MIPOL1: variants seen among roughly 807,000 people sequenced by gnomAD.
The protein encoded by MIPOL1 is mirror-image polydactyly gene 1 protein.
Under a neutral mutation model 60.9 loss-of-function variants are expected in MIPOL1, and 57 were observed. That is an observed-to-expected ratio of 0.94 (90% CI 0.76 to 1.17). The LOEUF is 1.17. Ranked by LOEUF, MIPOL1 falls within the 50% of genes most tolerant of loss-of-function variation. The pLI is 0.00. For synonymous variants in MIPOL1, 179 were observed against 168.8 expected, an observed-to-expected ratio of 1.06 and a Z score of -0.47; for missense variants, 551 against 511.6, an observed-to-expected ratio of 1.08 and a Z score of -0.74.
chr14:37,424,559 T>C (rs2093929562), intron 11 of MIPOL1, among the ~76,000 whole-genome samples: 1 of 152,332 alleles, frequency 6.6e-6, no homozygotes, highest in East Asian at 1.9e-4. Flanking sequence ...TCCAGAACTA[T>C]GTGATATTAA....
At chr14:37,219,027 A>G (rs536389926) in intron 1 of MIPOL1, among the ~76,000 whole-genome samples, 31 of 152,304 alleles carry the variant, frequency 2.0e-4, no homozygotes, top group African/African-American at 7.2e-4. Flanking sequence ...AATAGGGGAA[A>G]AGAAACCTCA....
At chr14:37,283,821 G>C (rs2084322175) in intron 6 of MIPOL1, among the ~76,000 whole-genome samples, 1 of 152,074 alleles carries the variant, frequency 6.6e-6, no homozygotes, top group Non-Finnish European at 1.5e-5. Context: ...ACACAAACAA[G>C]CTTGCTAACC....
At chr14:37,432,680 T>G (rs2094093986) in intron 11 of MIPOL1, among the ~76,000 whole-genome samples, 1 of 152,142 alleles carries the variant, frequency 6.6e-6, no homozygotes, top group Non-Finnish European at 1.5e-5. Flanking sequence ...ATTTTACCTT[T>G]CTTAAAATTT....
chr14:37,284,310 C>T (rs372567425), intron 6 of MIPOL1, among the ~76,000 whole-genome samples: 46 of 152,030 alleles, frequency 3.0e-4, no homozygotes, highest in African/African-American at 1.1e-3. Context: ...TGTGTTTATA[C>T]TTTCCATGAT....
intron 12 of MIPOL1, among the ~76,000 whole-genome samples, chr14:37,535,056 T>C (rs1261084718): frequency 6.6e-6 from 1 of 152,164 alleles, no homozygotes; most frequent in Non-Finnish European, 1.5e-5. Flanking sequence ...TTATTCTCTA[T>C]GTTCTCATTT....
At chr14:37,268,996 G>A (rs2083088698) in intron 5 of MIPOL1, among the ~76,000 whole-genome samples, 8 of 151,918 alleles carry the variant, frequency 5.3e-5, no homozygotes, top group Admixed American at 5.3e-4. Context: ...TTCATACCTT[G>A]CTGGTCCACA....
At chr14:37,348,944 T>G (rs1374954098) in intron 9 of MIPOL1, among the ~76,000 whole-genome samples, 3 of 150,946 alleles carry the variant, frequency 2.0e-5, no homozygotes, top group Non-Finnish European at 4.4e-5. Flanking sequence ...TTCTCCTGCT[T>G]TAGCCTCGTA....
chr14:37,497,710 C>T (rs113352088), intron 11 of MIPOL1, among the ~76,000 whole-genome samples: 2,760 of 152,090 alleles, frequency 0.018, 80 homozygotes, highest in African/African-American at 0.062. Context: ...TAAGACAATA[C>T]GAAGAGAATG....
chr14:37,408,380 A>G (rs1471669868), intron 10 of MIPOL1, among the ~76,000 whole-genome samples: 1 of 152,172 alleles, frequency 6.6e-6, no homozygotes, highest in African/African-American at 2.4e-5. Flanking sequence ...CTGTAGTCTC[A>G]GTACTTTGGG....
intron 11 of MIPOL1, among the ~76,000 whole-genome samples, chr14:37,447,250 C>T (rs2094351542): frequency 6.6e-6 from 1 of 151,936 alleles, no homozygotes; most frequent in Admixed American, 6.6e-5. Context: ...TAACCCTAAC[C>T]TCACATCCTT....
intron 9 of MIPOL1, among the ~76,000 whole-genome samples, chr14:37,332,884 C>A (rs989591397): frequency 1.3e-5 from 2 of 152,134 alleles, no homozygotes; most frequent in Non-Finnish European, 2.9e-5. Flanking sequence ...TGCAAGAGAT[C>A]ATTTTGCTAT....
chr14:37,483,044 G>T (rs557406295), intron 11 of MIPOL1, among the ~76,000 whole-genome samples: 1 of 150,802 alleles, frequency 6.6e-6, no homozygotes, highest in African/African-American at 2.4e-5. Context: ...TATGCAAATA[G>T]TTGTTATACT....
At chr14:37,306,610 C>G (rs1243456358) in intron 7 of MIPOL1, among the ~76,000 whole-genome samples, 1 of 151,820 alleles carries the variant, frequency 6.6e-6, no homozygotes, top group Non-Finnish European at 1.5e-5. Context: ...CCACATATAA[C>G]TTCCTTAGAA....
intron 11 of MIPOL1, among the ~76,000 whole-genome samples, chr14:37,481,658 A>G (rs2094873069): frequency 6.6e-6 from 1 of 151,720 alleles, no homozygotes; most frequent in South Asian, 2.1e-4. Flanking sequence ...GAACAAAGCT[A>G]GAGGAATCAC....
intron 12 of MIPOL1, among the ~76,000 whole-genome samples, chr14:37,522,632 C>T (rs571720678): frequency 1.1e-4 from 17 of 152,228 alleles, no homozygotes; most frequent in African/African-American, 3.9e-4. Context: ...AAACTCCCAT[C>T]TCTGTGAAGT....
rs140100289 is a variant in MIPOL1, at chr14:37,290,663, G to A, written c.623+5216G>A. ...AGGGACCACAGCATGCTTTTCAAAGGATTATTTGATTCTTCCTTTATTTCA... is the reference window on the plus strand; with the variant it reads ...AGGGACCACAGCATGCTTTTCAAAGAATTATTTGATTCTTCCTTTATTTCA... On this transcript the variant is annotated intron_variant, in intron 7 of 12. Transcript: ENST00000684589. 3.1e-3 allele frequency among the ~76,000 whole-genome samples: 467 copies of A among 152,090 alleles called. 4 individuals are homozygous for A. Among genetic ancestry groups the A allele is most frequent in the African/African-American group, 0.011 (438 of 41,502 alleles).
chr14:37,470,963 G>A (rs1265576776), intron 11 of MIPOL1, among the ~76,000 whole-genome samples: 5 of 152,160 alleles, frequency 3.3e-5, no homozygotes, highest in Admixed American at 6.5e-5. Context: ...TGGGAGGTGG[G>A]TGAGGGTTGA....
At chr14:37,234,242 A>G (rs1307647983) in intron 1 of MIPOL1, among the ~76,000 whole-genome samples, 1 of 151,784 alleles carries the variant, frequency 6.6e-6, no homozygotes, top group Non-Finnish European at 1.5e-5. Flanking sequence ...GGTCCTGTTC[A>G]GTTAGGGCAT....
intron 12 of MIPOL1, chr14:37,507,122 T>C (rs2095284539): frequency 6.6e-6 from 1 of 151,964 alleles, no homozygotes; most frequent in African/African-American, 2.4e-5. Flanking sequence ...CTGGAGAGGA[T>C]GTGGAGAAAT....
Sources: allele counts gnomAD v4.1 joint callset (sites outside exome capture counted in the v4.1 genomes callset), GRCh38; gene constraint gnomAD v4.1.1; transcripts MANE v1.5; gene names NCBI Gene and HGNC (gene_info 2026-07-23, HGNC 2026-07-21).